SORT1: variants seen among roughly 807,000 people sequenced by gnomAD.
SORT1 encodes sortilin 1.
A neutral mutation model predicts 101.7 loss-of-function variants in SORT1; 39 were observed. The observed-to-expected ratio is 0.38, with a 90% CI of 0.30 to 0.50. The LOEUF is 0.50. Among genes scored for constraint, SORT1 ranks in the 20% least tolerant of loss-of-function variants. The probability of loss-of-function intolerance (pLI) is 0.90; values close to 1 mark genes in which losing one functional copy is unlikely to be tolerated. For missense variants in SORT1, 878 were observed against 1,040.4 expected (o/e 0.84, Z 2.15); for synonymous variants, 396 against 393.7 (o/e 1.01, Z -0.07).
intron 12 of SORT1, 50 bp downstream of exon 12, chr1:109,327,449 T>C (rs754524840): frequency 2.4e-5 from 28 of 1,143,602 alleles, no homozygotes; most frequent in Non-Finnish European, 3.4e-5. Context: ...TGAGTTTCAG[T>C]GTGCTCAGCC....
intron 12 of SORT1, 42 bp from the exon 13 acceptor site, chr1:109,327,202 G>A: frequency 6.9e-7 from 1 of 1,440,172 alleles, no homozygotes. Context: ...AATAGGCAAT[G>A]AAACAGAGAG....
intron 1 of SORT1, among the ~76,000 whole-genome samples, chr1:109,373,233 G>C (rs1468591570): frequency 1.3e-5 from 2 of 152,164 alleles, no homozygotes; most frequent in Non-Finnish European, 2.9e-5. Flanking sequence ...ACAGTGCAGG[G>C]GAGGGGCACC....
intron 5 of SORT1, among the ~76,000 whole-genome samples, chr1:109,353,895 G>A (rs1169262006): frequency 6.6e-6 from 1 of 152,142 alleles, no homozygotes; most frequent in African/African-American, 2.4e-5. Context: ...ACGTGGTAGG[G>A]AGCGCAGGGA....
chr1:109,340,614 A>C, intron 10 of SORT1, 110 bp downstream of exon 10: 1 of 1,075,566 alleles, frequency 9.3e-7, no homozygotes, highest in South Asian at 1.4e-5. Context: ...GTACATGGGT[A>C]GGCTTGTTGG....
At chr1:109,315,972 C>T (rs1647202516) in intron 17 of SORT1, among the ~76,000 whole-genome samples, 2 of 151,656 alleles carry the variant, frequency 1.3e-5, no homozygotes, top group South Asian at 4.2e-4. Context: ...GTTGCCCAGG[C>T]TGCTCTCCAA....
At chr1:109,317,023 T>G in intron 16 of SORT1, 65 bp from the exon 17 acceptor site, 1 of 1,056,818 alleles carries the variant, frequency 9.5e-7, no homozygotes. Flanking sequence ...TGCCTATTTC[T>G]TGGAAACAAG....
chr1:109,321,808 A>T (rs1447391840), intron 15 of SORT1, among the ~76,000 whole-genome samples: 2 of 152,204 alleles, frequency 1.3e-5, no homozygotes, highest in Non-Finnish European at 2.9e-5. Flanking sequence ...GATGTGAAGC[A>T]GTTCCTCTTA....
chr1:109,391,790 G>T (rs770928588), intron 1 of SORT1, among the ~76,000 whole-genome samples: 10 of 152,218 alleles, frequency 6.6e-5, no homozygotes, highest in Admixed American at 6.5e-5. Context: ...TGATCAGCTT[G>T]TTCTTCAAGC....
At chr1:109,330,514 T>C (rs2101559845) in intron 11 of SORT1, among the ~76,000 whole-genome samples, 1 of 152,228 alleles carries the variant, frequency 6.6e-6, no homozygotes, top group East Asian at 1.9e-4. Flanking sequence ...TGGTGATAAA[T>C]GTCTACATTA....
intron 14 of SORT1, among the ~76,000 whole-genome samples, chr1:109,324,268 C>T (rs534251726): frequency 7.2e-5 from 11 of 152,042 alleles, no homozygotes; most frequent in African/African-American, 2.2e-4. Flanking sequence ...AGCTGGGACC[C>T]GCCACCTTAC....
At chr1:109,344,281 T>C (rs1455362347) in intron 8 of SORT1, among the ~76,000 whole-genome samples, 1 of 152,166 alleles carries the variant, frequency 6.6e-6, no homozygotes, top group Non-Finnish European at 1.5e-5. Context: ...CGCACACCTA[T>C]TCTTCAAAAG....
intron 17 of SORT1, among the ~76,000 whole-genome samples, chr1:109,315,856 C>T (rs1647196253): frequency 6.6e-6 from 1 of 150,738 alleles, no homozygotes; most frequent in South Asian, 2.1e-4. Flanking sequence ...CTCCCAGGCT[C>T]AGGTGATTCT....
At chr1:109,351,449 A>C (rs1420980028) in intron 5 of SORT1, among the ~76,000 whole-genome samples, 1 of 152,270 alleles carries the variant, frequency 6.6e-6, no homozygotes, top group East Asian at 1.9e-4. Context: ...AATGATGAGC[A>C]GTGGGACCAA....
At chr1:109,355,641 A>ACCCCCCCCCCCCCCCCCCCCCCC (rs529686433) in intron 3 of SORT1, among the ~76,000 whole-genome samples, 172 bp from the exon 4 acceptor site, 4 of 84,100 alleles carry the variant, frequency 4.8e-5, no homozygotes, top group African/African-American at 9.8e-5. Flanking sequence ...AGAACATTCC[A>ACCCCCCCCCCCCCCCCCCCCCCC]CCCGCCCCCC....
chr1:109,335,227 C>A (rs1013152537), intron 11 of SORT1, among the ~76,000 whole-genome samples: 2 of 152,116 alleles, frequency 1.3e-5, no homozygotes, highest in African/African-American at 4.8e-5. Flanking sequence ...AGGTCAGGGA[C>A]AGAGGCCATT....
At chr1:109,368,366 A>G (rs1001154258) in intron 2 of SORT1, 1 of 151,960 alleles carries the variant, frequency 6.6e-6, no homozygotes, top group African/African-American at 2.4e-5. Context: ...CATGGAAATT[A>G]GGGTACAACT....
chr1:109,322,778 G>A (rs1189383824), intron 15 of SORT1, among the ~76,000 whole-genome samples, 154 bp downstream of exon 15: 1 of 152,012 alleles, frequency 6.6e-6, no homozygotes, highest in African/African-American at 2.4e-5. Flanking sequence ...GGCCTCAAGT[G>A]ATCTGCCTGC....
chr1:109,394,515 G>T (rs183887600), intron 1 of SORT1, among the ~76,000 whole-genome samples: 86 of 152,302 alleles, frequency 5.6e-4, no homozygotes, highest in African/African-American at 1.9e-3. Flanking sequence ...TGGTCATCAG[G>T]ACACCGGTCT....
Position 109,310,790 on chromosome 1 carries a change from G to T in SORT1, c.*3253C>A, listed in dbSNP as rs940217868. ...TGCCAGGCCAGCCCCGTTACCCTGG[G>T]GTGGGTATGGATGGCCCTGGGCTCC... On this transcript the variant is annotated 3_prime_UTR_variant, in exon 20 of 20. Coordinates refer to ENST00000256637, the MANE Select transcript of SORT1 (RefSeq NM_002959.7). 1 of 152,230 alleles carries T rather than the reference G, an allele frequency of 6.6e-6. No individual in the cohort carries two copies. The highest frequency in any genetic ancestry group is 1.5e-5 in the Non-Finnish European group (1 of 68,046). 9.4% of individuals were successfully genotyped at this position (152,230 alleles called of 1,614,324 possible). A position where few individuals can be genotyped will look rare whatever the true frequency, so the allele number is the denominator to read the frequency against.
Sources: allele counts gnomAD v4.1 joint callset (sites outside exome capture counted in the v4.1 genomes callset), GRCh38; gene constraint gnomAD v4.1.1; transcripts MANE v1.5; gene names NCBI Gene and HGNC (gene_info 2026-07-23, HGNC 2026-07-21).